Variants in TMEM117 observed in about 807,000 individuals in gnomAD.
TMEM117 encodes the protein transmembrane protein 117.
In TMEM117, 27 loss-of-function variants were observed where a neutral mutation model predicts 52.4. The ratio of observed to expected loss-of-function variants is 0.51; its 90% confidence interval spans 0.38 to 0.71. TMEM117 has a LOEUF of 0.71. Ranked by LOEUF, TMEM117 falls within the 30% of genes least tolerant of loss-of-function variation. The pLI is 0.00. For missense variants in TMEM117, 556 were observed against 630.5 expected (o/e 0.88, Z 1.26); for synonymous variants, 215 against 206.3 (o/e 1.04, Z -0.36).
intron 3 of TMEM117, among the ~76,000 whole-genome samples, chr12:44,005,667 A>G (rs1053001739): frequency 6.6e-6 from 1 of 152,174 alleles, no homozygotes. Context: ...GAGGATTCAG[A>G]CATAGAGGGT....
intron 3 of TMEM117, among the ~76,000 whole-genome samples, chr12:44,057,413 C>T (rs1947073090): frequency 6.6e-6 from 1 of 151,890 alleles, no homozygotes; most frequent in African/African-American, 2.4e-5. Context: ...GAGATAGCAG[C>T]ATGATATGAT....
Position 44,055,071 on chromosome 12 carries a change from G to A in TMEM117, c.411-88454G>A, listed in dbSNP as rs80180110. On this transcript the variant is annotated intron_variant, in intron 3 of 7. Transcript: ENST00000266534. ...TTATTACTTTCTTCCTTTATAATAGGTAGGCAATGGATGATCACAATTAAA... is the reference window on the plus strand; with the variant it reads ...TTATTACTTTCTTCCTTTATAATAGATAGGCAATGGATGATCACAATTAAA... 5.1e-3 allele frequency among the ~76,000 whole-genome samples: 774 copies of A among 151,968 alleles called. 4 individuals carry two copies. The highest frequency in any genetic ancestry group is 0.017 in the Middle Eastern group (5 of 290).
Position 44,097,490 on chromosome 12 carries a change from A to G in TMEM117, c.411-46035A>G, listed in dbSNP as rs183368722. The stretch of plus-strand genomic sequence containing the variant: ...CAAATGTCCAACAACGATAGACTGG[A>G]TTAAGAAAATGTGGCACATATACAC... On this transcript the variant is annotated intron_variant, in intron 3 of 7. Coordinates refer to ENST00000266534, the MANE Select transcript of TMEM117 (RefSeq NM_032256.3). Among the ~76,000 whole-genome samples the G allele has an allele frequency of 3.7e-3, 558 of 152,146 alleles. 4 individuals are homozygous for G. The highest frequency in any genetic ancestry group is 0.013 in the African/African-American group (540 of 41,446).
chr12:43,912,463 G>A (rs7974045), intron 2 of TMEM117, among the ~76,000 whole-genome samples: 107,403 of 146,730 alleles, frequency 0.73, 41,994 homozygotes, highest in East Asian at 0.88. Context: ...TAACCTGCGC[G>A]TTGTGCACAT....
intron 5 of TMEM117, among the ~76,000 whole-genome samples, chr12:44,223,672 A>G (rs1304118008): frequency 6.6e-6 from 1 of 152,148 alleles, no homozygotes; most frequent in African/African-American, 2.4e-5. Context: ...ACCCTCTTCT[A>G]TATAAACTAT....
intron 6 of TMEM117, among the ~76,000 whole-genome samples, chr12:44,317,766 C>T (rs1376966509): frequency 2.6e-5 from 4 of 152,158 alleles, no homozygotes; most frequent in African/African-American, 9.7e-5. Context: ...CTCTGGCCAA[C>T]GTGAACGGGT....
At chr12:44,076,369 CAT>C (rs1248802254) in intron 3 of TMEM117, among the ~76,000 whole-genome samples, 1 of 152,090 alleles carries the variant, frequency 6.6e-6, no homozygotes, top group Non-Finnish European at 1.5e-5. Flanking sequence ...ATTTCAATGA[CAT>C]ATATAGCAAC....
At chr12:44,317,385 A>AT (rs1006943697) in intron 6 of TMEM117, among the ~76,000 whole-genome samples, 4 of 143,368 alleles carry the variant, frequency 2.8e-5, no homozygotes, top group Middle Eastern at 4.1e-3. Flanking sequence ...GCTTTGCTTC[A>AT]TTTTTTTGTT....
At chr12:44,332,937 A>G (rs1057189565) in intron 6 of TMEM117, among the ~76,000 whole-genome samples, 6 of 152,114 alleles carry the variant, frequency 3.9e-5, no homozygotes, top group African/African-American at 1.2e-4. Flanking sequence ...AATAATTTAT[A>G]TAAAGCTATA....
At chr12:44,286,944 G>T (rs1950646482) in intron 5 of TMEM117, among the ~76,000 whole-genome samples, 1 of 152,106 alleles carries the variant, frequency 6.6e-6, no homozygotes, top group African/African-American at 2.4e-5. Flanking sequence ...ATTCTCATCA[G>T]TTCTGTCACT....
intron 3 of TMEM117, among the ~76,000 whole-genome samples, chr12:44,101,249 AATCCTATGT>A (rs1947856310): frequency 6.6e-6 from 1 of 150,836 alleles, no homozygotes; most frequent in Admixed American, 6.6e-5. Flanking sequence ...TGTTCAACAT[AATCCTATGT>A]TGAAACCTAA....
At chr12:43,838,309 A>G (rs1007654054) in intron 1 of TMEM117, among the ~76,000 whole-genome samples, 5 of 151,990 alleles carry the variant, frequency 3.3e-5, no homozygotes, top group Non-Finnish European at 5.9e-5. Flanking sequence ...AGTAAGTATA[A>G]GACTTTTCAT....
chr12:44,299,577 C>T lies in TMEM117; in HGVS notation c.609-3C>T. ...TCTTTAATGAGTGTCTTGTTCCTTA[C>T]AGGACAGTTCTTTTTACTCTGACGT... is the stretch of plus-strand genomic sequence containing the variant. On this transcript the variant is annotated splice_polypyrimidine_tract_variant and splice_region_variant and intron_variant, in intron 5 of 7. Coordinates refer to ENST00000266534, the MANE Select transcript of TMEM117 (RefSeq NM_032256.3). 6.2e-7 allele frequency: 1 copy of T among 1,613,992 alleles called. No homozygotes were observed. The highest frequency in any genetic ancestry group is 8.5e-7 in the Non-Finnish European group (1 of 1,179,940).
chr12:43,979,454 C>A (rs1945724401), intron 3 of TMEM117, among the ~76,000 whole-genome samples: 1 of 152,064 alleles, frequency 6.6e-6, no homozygotes, highest in Non-Finnish European at 1.5e-5. Context: ...GTTTAGCATT[C>A]CTTGAGGAAG....
chr12:44,170,922 A>G (rs936256210), intron 4 of TMEM117, among the ~76,000 whole-genome samples: 7 of 152,048 alleles, frequency 4.6e-5, no homozygotes, highest in Admixed American at 3.9e-4. Flanking sequence ...TAGAGATCTT[A>G]TTCAAATTTT....
chr12:44,178,887 G>T (rs1949151664), intron 4 of TMEM117, among the ~76,000 whole-genome samples: 1 of 152,106 alleles, frequency 6.6e-6, no homozygotes, highest in Non-Finnish European at 1.5e-5. Flanking sequence ...GAACCAAGAG[G>T]ATATATGTAA....
At chr12:44,154,559 T>C (rs1283325713) in intron 4 of TMEM117, among the ~76,000 whole-genome samples, 1 of 151,990 alleles carries the variant, frequency 6.6e-6, no homozygotes, top group Admixed American at 6.6e-5. Flanking sequence ...CCTAATAATT[T>C]TCAAAACCCA....
At chr12:44,321,449 A>G (rs1408739507) in intron 6 of TMEM117, among the ~76,000 whole-genome samples, 1 of 152,194 alleles carries the variant, frequency 6.6e-6, no homozygotes, top group Non-Finnish European at 1.5e-5. Flanking sequence ...GAAAATTCTG[A>G]ATGCAAAGTC....
chr12:44,008,469 A>G (rs547530789), intron 3 of TMEM117, among the ~76,000 whole-genome samples: 3 of 152,250 alleles, frequency 2.0e-5, no homozygotes, highest in African/African-American at 7.2e-5. Flanking sequence ...ACTGAAGATG[A>G]AATGCTGAAT....
Sources: allele counts gnomAD v4.1 joint callset (sites outside exome capture counted in the v4.1 genomes callset), GRCh38; gene constraint gnomAD v4.1.1; transcripts MANE v1.5; gene names NCBI Gene and HGNC (gene_info 2026-07-23, HGNC 2026-07-21).